SEMA3A: variants seen among roughly 807,000 people sequenced by gnomAD.
SEMA3A encodes the protein semaphorin-3A.
Under a neutral mutation model 97.9 loss-of-function variants are expected in SEMA3A, and 29 were observed. That is an observed-to-expected ratio of 0.30 (90% CI 0.22 to 0.40). The LOEUF (loss-of-function observed/expected upper bound fraction) is 0.40. Among genes scored for constraint, SEMA3A ranks in the 10% least tolerant of loss-of-function variants. The pLI is 1.00. For missense variants in SEMA3A, 763 were observed against 951.3 expected, an observed-to-expected ratio of 0.80 and a Z score of 2.60; for synonymous variants, 321 against 323.7, an observed-to-expected ratio of 0.99 and a Z score of 0.09.
intron 2 of SEMA3A, among the ~76,000 whole-genome samples, chr7:84,317,421 C>T (rs958010129): frequency 2.0e-5 from 3 of 152,058 alleles, no homozygotes; most frequent in Non-Finnish European, 2.9e-5. Context: ...TGTCCATCAC[C>T]CTATCTAGGT....
upstream of SEMA3A, among the ~76,000 whole-genome samples, chr7:84,199,713 A>G (rs1205617457): frequency 6.6e-6 from 1 of 152,168 alleles, no homozygotes; most frequent in African/African-American, 2.4e-5. Flanking sequence ...TTTCTATACA[A>G]GAAATTTGAA....
intron 3 of SEMA3A, among the ~76,000 whole-genome samples, chr7:84,113,815 G>C (rs1194947278): frequency 6.6e-6 from 1 of 152,082 alleles, no homozygotes; most frequent in Non-Finnish European, 1.5e-5. Flanking sequence ...ATAAAAGTAA[G>C]GGCAGTTATA....
Position 84,391,437 on chromosome 7 carries a change from C to A in SEMA3A, c.-245-19537G>T, listed in dbSNP as rs182110555. 8.9e-4 allele frequency among the ~76,000 whole-genome samples: 136 copies of A among 152,156 alleles called. 1 individual carries two copies. Among genetic ancestry groups the A allele is most frequent in the African/African-American group, 3.0e-3 (126 of 41,532 alleles). On this transcript the variant is annotated intron_variant, in intron 1 of 3. Coordinates refer to the SEMA3A transcript ENST00000424555. ...ACACGGTGGATCCTATGGAAGAAGT[C>A]TCTTCCCCAGTAACCAGTTTAGATG...
intron 4 of SEMA3A, among the ~76,000 whole-genome samples, chr7:84,106,455 A>C (rs1019841511): frequency 6.6e-6 from 1 of 152,152 alleles, no homozygotes; most frequent in Non-Finnish European, 1.5e-5. Flanking sequence ...AGTACACTCT[A>C]TGATTTTTGC....
At chr7:84,347,881 C>T (rs1053608613) in intron 2 of SEMA3A, among the ~76,000 whole-genome samples, 1 of 152,148 alleles carries the variant, frequency 6.6e-6, no homozygotes, top group Non-Finnish European at 1.5e-5. Context: ...TATAAGGCAA[C>T]TTTCAGAGTG....
chr7:84,064,800 G>C (rs1793410041), intron 4 of SEMA3A, among the ~76,000 whole-genome samples: 1 of 150,916 alleles, frequency 6.6e-6, no homozygotes, highest in Admixed American at 6.6e-5. Context: ...AAGAGACTTA[G>C]ACTCCCACAC....
intron 7 of SEMA3A, among the ~76,000 whole-genome samples, chr7:84,012,648 A>G (rs1790929155): frequency 6.6e-6 from 1 of 152,222 alleles, no homozygotes; most frequent in Middle Eastern, 3.2e-3. Flanking sequence ...ATATTTTACA[A>G]ACAACACGTT....
intron 2 of SEMA3A, among the ~76,000 whole-genome samples, chr7:84,353,846 T>C (rs551622942): frequency 1.3e-5 from 2 of 151,822 alleles, no homozygotes; most frequent in African/African-American, 4.8e-5. Context: ...GTCCATGAGC[T>C]TTTAGGTTTA....
At chr7:84,435,523 G>A (rs1403055737) in intron 1 of SEMA3A, among the ~76,000 whole-genome samples, 2 of 152,160 alleles carry the variant, frequency 1.3e-5, no homozygotes, top group South Asian at 2.1e-4. Flanking sequence ...CAGGAGATTC[G>A]CTTGAACCTG....
intron 4 of SEMA3A, among the ~76,000 whole-genome samples, chr7:84,106,760 C>T (rs188631720): frequency 2.0e-5 from 3 of 152,164 alleles, no homozygotes; most frequent in African/African-American, 7.2e-5. Context: ...TCTATAATGT[C>T]ATTTCCTGAC....
intron 6 of SEMA3A, among the ~76,000 whole-genome samples, chr7:84,032,818 T>C (rs1791808874): frequency 6.6e-6 from 1 of 151,782 alleles, no homozygotes; most frequent in African/African-American, 2.4e-5. Flanking sequence ...TTGCTATATT[T>C]ACATGAATTT....
intron 6 of SEMA3A, among the ~76,000 whole-genome samples, chr7:84,034,973 A>C (rs953226808): frequency 2.0e-5 from 3 of 152,100 alleles, no homozygotes; most frequent in African/African-American, 7.2e-5. Flanking sequence ...ATTAAATTTA[A>C]GTTAGGTTTA....
At chr7:84,252,561 A>G (rs780934783) in intron 3 of SEMA3A, among the ~76,000 whole-genome samples, 2 of 152,198 alleles carry the variant, frequency 1.3e-5, no homozygotes, top group African/African-American at 2.4e-5. Context: ...TATTTTCCCA[A>G]TGCTTGAAAG....
At position 83,980,623 on chromosome 7, in the gene SEMA3A, A is replaced by AAATAT. The variant is rs1310318006; in HGVS notation, c.1652+697_1652+698insATATT. On this transcript the variant is annotated intron_variant, in intron 14 of 16. Transcript: ENST00000265362. Reference sequence around the variant, plus strand: ...CATCTCAAAAAAAAAAAAAAAAAAAAATATATATATATATATACACACACA... The same window carrying AAATAT: ...CATCTCAAAAAAAAAAAAAAAAAAAAAATATATATATATATATATATACACACACA... Among the ~76,000 whole-genome samples, 236 of 71,758 alleles carry AAATAT rather than the reference A, an allele frequency of 3.3e-3. 2 individuals carry two copies. Among genetic ancestry groups the AAATAT allele is most frequent in the African/African-American group, 0.014 (163 of 12,038 alleles). 47.1% of individuals were successfully genotyped at this position (71,758 alleles called of 152,430 possible).
Position 84,022,064 on chromosome 7 carries a change from A to G in SEMA3A, c.668-7713T>C, listed in dbSNP as rs557726024. On this transcript the variant is annotated intron_variant, in intron 6 of 16. Coordinates refer to ENST00000265362, the MANE Select transcript of SEMA3A (RefSeq NM_006080.3). ...AATGCATTAAAATTTTCTATTTGCA[A>G]TTCTTCAGAATTAGATTTTGTCAAT... Among the ~76,000 whole-genome samples the G allele has an allele frequency of 2.6e-5, 4 of 152,236 alleles. No individual in the cohort carries two copies. In the East Asian group the frequency reaches 7.7e-4, roughly 29 times the overall value.
intron 7 of SEMA3A, among the ~76,000 whole-genome samples, chr7:84,011,625 C>T (rs1790877313): frequency 6.6e-6 from 1 of 152,002 alleles, no homozygotes; most frequent in African/African-American, 2.4e-5. Flanking sequence ...CAATGGTCTA[C>T]AATTCAGCCT....
chr7:84,434,818 T>C (rs1805082730), intron 1 of SEMA3A, among the ~76,000 whole-genome samples: 1 of 152,038 alleles, frequency 6.6e-6, no homozygotes, highest in Non-Finnish European at 1.5e-5. Flanking sequence ...CATCCCAACA[T>C]GATAAAAGCC....
intron 6 of SEMA3A, among the ~76,000 whole-genome samples, chr7:84,042,364 A>T (rs1195393255): frequency 6.6e-6 from 1 of 152,018 alleles, no homozygotes; most frequent in Non-Finnish European, 1.5e-5. Context: ...ATGAGTGGGA[A>T]GGCGTCACAC....
chr7:83,972,003 G>GTGTA (rs1491042576), intron 15 of SEMA3A, among the ~76,000 whole-genome samples: 1 of 135,454 alleles, frequency 7.4e-6, no homozygotes, highest in East Asian at 2.1e-4. Flanking sequence ...GTGTGTGTGT[G>GTGTA]TACATATATA....
Sources: gnomAD v4.1 joint callset for allele counts (sites outside exome capture counted in the v4.1 genomes callset) on GRCh38, gnomAD v4.1.1 for gene constraint, MANE v1.5 for transcripts, NCBI Gene and HGNC (gene_info 2026-07-23, HGNC 2026-07-21) for gene names.